The following LY6S variants were observed in gnomAD, a reference collection of about 807,000 sequenced individuals.
LY6S encodes the protein lymphocyte antigen 6S.
At chr8:143,048,194 G>A in the LY6S span, among the ~76,000 whole-genome samples, 2 of 152,182 alleles carry the variant, frequency 1.3e-5, no homozygotes, top group Admixed American at 1.3e-4. Flanking sequence ...GGCTGTTTCA[G>A]TCAAGCTCCG....
the LY6S span, among the ~76,000 whole-genome samples, chr8:143,056,443 C>A: frequency 6.6e-6 from 1 of 151,796 alleles, no homozygotes; most frequent in Admixed American, 6.6e-5. Context: ...ATTTTTATAG[C>A]AAATTGAAAA....
chr8:143,074,050 G>T, the LY6S span, among the ~76,000 whole-genome samples: 1 of 152,182 alleles, frequency 6.6e-6, no homozygotes, highest in Non-Finnish European at 1.5e-5. Flanking sequence ...TCTCCTGGCT[G>T]CAGCTAACAT....
At chr8:143,054,748 G>A in the LY6S span, among the ~76,000 whole-genome samples, 1 of 152,208 alleles carries the variant, frequency 6.6e-6, no homozygotes, top group Non-Finnish European at 1.5e-5. Flanking sequence ...CCGCCTCTGA[G>A]CAGGACCCCT....
the LY6S span, among the ~76,000 whole-genome samples, chr8:143,072,516 G>A: frequency 7.6e-6 from 1 of 130,742 alleles, no homozygotes; most frequent in South Asian, 2.7e-4. Context: ...CGTCGTCCTC[G>A]GGATTCCTGT....
chr8:143,044,916 C>G, the LY6S span: 1 of 1,094,476 alleles, frequency 9.1e-7, no homozygotes, highest in Non-Finnish European at 1.2e-6. Context: ...TTGTCCCAAC[C>G]TGCCACCTGG....
chr8:143,070,473 ATAAATATATATATATATTTTT>A, the LY6S span, among the ~76,000 whole-genome samples: 11 of 35,058 alleles, frequency 3.1e-4, no homozygotes, highest in African/African-American at 9.2e-4. Context: ...TAATATATAT[ATAAATATATATATATATTTTT>A]TTTTTTTTTT....
the LY6S span, among the ~76,000 whole-genome samples, chr8:143,047,128 A>G: frequency 6.9e-6 from 1 of 145,750 alleles, no homozygotes; most frequent in Non-Finnish European, 1.5e-5. Flanking sequence ...CAAGGTTAGC[A>G]TTATGGTAGG....
At chr8:143,052,630 T>C in the LY6S span, among the ~76,000 whole-genome samples, 5 of 152,136 alleles carry the variant, frequency 3.3e-5, no homozygotes, top group Non-Finnish European at 5.9e-5. Context: ...GGTCAAGGCA[T>C]GTTTTGGCCT....
the LY6S span, among the ~76,000 whole-genome samples, chr8:143,043,759 TC>T: frequency 1.3e-5 from 2 of 150,922 alleles, no homozygotes; most frequent in Non-Finnish European, 2.9e-5. Context: ...CACCACAACC[TC>T]CACCTCCTGG....
At chr8:143,050,404 C>T in the LY6S span, among the ~76,000 whole-genome samples, 1 of 152,060 alleles carries the variant, frequency 6.6e-6, no homozygotes, top group African/African-American at 2.4e-5. Context: ...TGGTCACAAA[C>T]TCCTGACCTA....
At chr8:143,055,133 C>A in the LY6S span, among the ~76,000 whole-genome samples, 1 of 152,332 alleles carries the variant, frequency 6.6e-6, no homozygotes, top group Admixed American at 6.5e-5. Context: ...GTCTGCCCTA[C>A]TCCCTTTAAT....
chr8:143,051,567 A>G, the LY6S span, among the ~76,000 whole-genome samples: 4 of 151,582 alleles, frequency 2.6e-5, no homozygotes, highest in Admixed American at 1.3e-4. Context: ...AAAACATCAA[A>G]ACAAGCATAA....
At chr8:143,043,476 C>T in the LY6S span, among the ~76,000 whole-genome samples, 1 of 152,138 alleles carries the variant, frequency 6.6e-6, no homozygotes, top group Non-Finnish European at 1.5e-5. Context: ...GCCATCGGAG[C>T]CCTTTCACTT....
At chr8:143,060,066 C>T in the LY6S span, 1 of 155,202 alleles carries the variant, frequency 6.4e-6, no homozygotes, top group East Asian at 1.9e-4. Flanking sequence ...CTAGGAAAAA[C>T]CAGGCCATAC....
the LY6S span, among the ~76,000 whole-genome samples, chr8:143,068,230 T>C: frequency 3.3e-5 from 5 of 152,228 alleles, no homozygotes; most frequent in African/African-American, 1.2e-4. Flanking sequence ...GCATACTGCC[T>C]GCCAACAAAT....
the LY6S span, among the ~76,000 whole-genome samples, chr8:143,050,440 T>G: frequency 6.6e-6 from 1 of 151,902 alleles, no homozygotes; most frequent in Admixed American, 6.6e-5. Flanking sequence ...CTCAGCCTCC[T>G]AAAGTGCTGG....
At chr8:143,072,935 T>A in the LY6S span, among the ~76,000 whole-genome samples, 1 of 98,772 alleles carries the variant, frequency 1.0e-5, no homozygotes, top group South Asian at 4.6e-4. Context: ...GGGTTCCTGT[T>A]TGAGGAGACA....
At chr8:143,052,008 G>A in the LY6S span, among the ~76,000 whole-genome samples, 7 of 149,910 alleles carry the variant, frequency 4.7e-5, no homozygotes, top group East Asian at 4.0e-4. Context: ...AAAGCCGGGC[G>A]TGGTGGCCCA....
At chr8:143,056,115 C>T in the LY6S span, among the ~76,000 whole-genome samples, 7 of 150,406 alleles carry the variant, frequency 4.7e-5, no homozygotes, top group Non-Finnish European at 8.8e-5. Flanking sequence ...TTACACAGTG[C>T]CGCGGGTTTC....
Sources: allele counts gnomAD v4.1 joint callset (sites outside exome capture counted in the v4.1 genomes callset), GRCh38; gene constraint gnomAD v4.1.1; transcripts MANE v1.5; gene names NCBI Gene and HGNC (gene_info 2026-07-23, HGNC 2026-07-21).